Variants in TENM3 observed in about 807,000 individuals in gnomAD.
TENM3 encodes teneurin transmembrane protein 3.
A neutral mutation model predicts 255.1 loss-of-function variants in TENM3; 63 were observed. The ratio of observed to expected loss-of-function variants is 0.25; its 90% CI spans 0.20 to 0.30. TENM3 has a LOEUF of 0.30. Ranked by LOEUF, TENM3 falls within the 10% of genes least tolerant of loss-of-function variation. The pLI is 1.00. For synonymous variants in TENM3, 1,306 were observed against 1,322.3 expected (o/e 0.99, Z 0.27); for missense variants, 2,929 against 3,461.1 (o/e 0.85, Z 3.86).
At chr4:182,531,205 G>A (rs1200536509) in intron 3 of TENM3, among the ~76,000 whole-genome samples, 1 of 152,146 alleles carries the variant, frequency 6.6e-6, no homozygotes, top group Non-Finnish European at 1.5e-5. Flanking sequence ...AAATACTTCC[G>A]AGACATTCAA....
the TENM3 span, among the ~76,000 whole-genome samples, chr4:181,771,397 T>C: frequency 6.6e-6 from 1 of 152,234 alleles, no homozygotes; most frequent in African/African-American, 2.4e-5. Context: ...CTTTGGACTG[T>C]ATCCTCTAGA....
At chr4:182,540,576 C>T (rs1457962051) in intron 3 of TENM3, among the ~76,000 whole-genome samples, 1 of 151,794 alleles carries the variant, frequency 6.6e-6, no homozygotes, top group Non-Finnish European at 1.5e-5. Context: ...AAGAGTGAAA[C>T]TCCATTTCAA....
chr4:181,726,575 T>G, the TENM3 span, among the ~76,000 whole-genome samples: 69 of 152,282 alleles, frequency 4.5e-4, no homozygotes, highest in Non-Finnish European at 8.2e-4. Flanking sequence ...GGAAAAAAAC[T>G]AACTGTTTTT....
At chr4:181,641,766 A>G in the TENM3 span, among the ~76,000 whole-genome samples, 10 of 120,880 alleles carry the variant, frequency 8.3e-5, no homozygotes, top group South Asian at 1.5e-3. Flanking sequence ...GTGTATATAT[A>G]TATATACATA....
chr4:182,531,605 CAT>C (rs920316889), intron 3 of TENM3, among the ~76,000 whole-genome samples: 9 of 152,264 alleles, frequency 5.9e-5, no homozygotes, highest in African/African-American at 1.7e-4. Flanking sequence ...AAGGAAAAGA[CAT>C]GTGGGGTGAA....
chr4:182,751,490 C>T (rs2152748399), intron 19 of TENM3, among the ~76,000 whole-genome samples: 1 of 152,254 alleles, frequency 6.6e-6, no homozygotes, highest in Admixed American at 6.5e-5. Context: ...AAGATTTAGA[C>T]AATTTGCTTC....
At chr4:181,505,899 C>G in the TENM3 span, among the ~76,000 whole-genome samples, 2 of 152,198 alleles carry the variant, frequency 1.3e-5, no homozygotes, top group African/African-American at 2.4e-5. Context: ...GAGGGCCTCA[C>G]TTCCTTCCCT....
intron 1 of TENM3, among the ~76,000 whole-genome samples, chr4:182,151,693 AG>A (rs1439763636): frequency 1.3e-5 from 2 of 152,060 alleles, no homozygotes; most frequent in Non-Finnish European, 2.9e-5. Context: ...AAAAAAACGA[AG>A]AAACAAAAGC....
At chr4:182,770,450 T>A (rs1764107062) in intron 22 of TENM3, among the ~76,000 whole-genome samples, 2 of 152,060 alleles carry the variant, frequency 1.3e-5, no homozygotes, top group Admixed American at 1.3e-4. Context: ...CCCGACACCT[T>A]CCTCCGCAGC....
chr4:181,849,011 T>C, the TENM3 span, among the ~76,000 whole-genome samples: 1 of 152,150 alleles, frequency 6.6e-6, no homozygotes, highest in Non-Finnish European at 1.5e-5. Context: ...TTTTGTGAGC[T>C]ACAGATGGAT....
rs1763244340 is a variant in TENM3 at position 182,324,151 on chromosome 4, G to A, written c.131G>A (p.Ser44Asn). ...RVPTQKSYSSSETLKAFDHDS... is the reference protein window; with the variant it reads ...RVPTQKSYSSNETLKAFDHDS... Reference sequence around the variant, plus strand: ...CCCACACAGAAGTCCTACAGTTCCAGCGAGACATTGAAAGCTTTTGATCAT... The same window carrying A: ...CCCACACAGAAGTCCTACAGTTCCAACGAGACATTGAAAGCTTTTGATCAT... Residue 44 changes from serine (S) to asparagine (N), a missense_variant, in exon 2 of 28, where the codon AGC (serine) becomes AAC (asparagine). By Grantham distance (46) the Ser-to-Asn change is conservative. Transcript: ENST00000511685. 8 of 1,613,896 alleles carry A rather than the reference G, an allele frequency of 5.0e-6. No homozygotes were observed. In the South Asian group the frequency reaches 6.6e-5, roughly 13 times the overall value.
chr4:182,728,873 GAAA>G (rs5864796), intron 13 of TENM3, 89 bp from the exon 14 acceptor site: 229 of 733,164 alleles, frequency 3.1e-4, no homozygotes, highest in South Asian at 3.7e-4. Flanking sequence ...CACTTGATGT[GAAA>G]AAAAAAAAAA....
chr4:181,768,462 C>T, the TENM3 span, among the ~76,000 whole-genome samples: 1 of 152,200 alleles, frequency 6.6e-6, no homozygotes, highest in South Asian at 2.1e-4. Flanking sequence ...ACTCTTTACT[C>T]ATAGTCTTAA....
At chr4:181,705,843 A>T in the TENM3 span, among the ~76,000 whole-genome samples, 1 of 152,288 alleles carries the variant, frequency 6.6e-6, no homozygotes. Context: ...GCATGGACCT[A>T]TTCACAGGGT....
At chr4:182,757,503 T>C (rs1762832230) in intron 22 of TENM3, among the ~76,000 whole-genome samples, 1 of 152,116 alleles carries the variant, frequency 6.6e-6, no homozygotes, top group Non-Finnish European at 1.5e-5. Context: ...TATGGATTAG[T>C]GCTGACACTT....
At chr4:182,678,840 T>C (rs1017795038) in intron 7 of TENM3, among the ~76,000 whole-genome samples, 1 of 152,148 alleles carries the variant, frequency 6.6e-6, no homozygotes, top group African/African-American at 2.4e-5. Context: ...GCTCATTGTG[T>C]GAAGTGAAAT....
At chr4:182,077,571 G>C in the TENM3 span, among the ~76,000 whole-genome samples, 6 of 152,158 alleles carry the variant, frequency 3.9e-5, no homozygotes, top group Non-Finnish European at 8.8e-5. Flanking sequence ...GGCAGGTAGA[G>C]GAAGGAAGGG....
At chr4:181,854,946 T>TAAG in the TENM3 span, among the ~76,000 whole-genome samples, 1 of 152,158 alleles carries the variant, frequency 6.6e-6, no homozygotes, top group Non-Finnish European at 1.5e-5. Context: ...GATTTTTTTT[T>TAAG]AAGGCCGTGT....
At chr4:182,581,621 C>A (rs531201057) in intron 3 of TENM3, among the ~76,000 whole-genome samples, 2 of 152,214 alleles carry the variant, frequency 1.3e-5, no homozygotes, top group Non-Finnish European at 2.9e-5. Flanking sequence ...CCTATAATCC[C>A]AGCTATTCAG....
Sources: gnomAD v4.1 joint callset for allele counts (sites outside exome capture counted in the v4.1 genomes callset) on GRCh38, gnomAD v4.1.1 for gene constraint, MANE v1.5 for transcripts, NCBI Gene and HGNC (gene_info 2026-07-23, HGNC 2026-07-21) for gene names.